Variants in SRPK2 observed in about 807,000 individuals in gnomAD.
SRPK2 encodes the protein SFRS protein kinase 2.
SRPK2 carries 21 observed loss-of-function variants against 90.8 expected under a neutral mutation model. The ratio of observed to expected loss-of-function variants is 0.23; its 90% CI spans 0.16 to 0.33. SRPK2 has a LOEUF of 0.33. Ranked by LOEUF, SRPK2 falls within the 10% of genes least tolerant of loss-of-function variation. The probability of loss-of-function intolerance (pLI) is 1.00; values close to 1 mark genes in which losing one functional copy is unlikely to be tolerated. For synonymous variants in SRPK2, 288 were observed against 311.1 expected, an observed-to-expected ratio of 0.93 and a Z score of 0.78; for missense variants, 620 against 869.0, an observed-to-expected ratio of 0.71 and a Z score of 3.60.
At chr7:105,310,343 A>G (rs1811571199) in intron 2 of SRPK2, among the ~76,000 whole-genome samples, 1 of 152,214 alleles carries the variant, frequency 6.6e-6, no homozygotes, top group Non-Finnish European at 1.5e-5. Flanking sequence ...CAGAATTGTA[A>G]TATTTTAGTA....
intron 2 of SRPK2, among the ~76,000 whole-genome samples, chr7:105,220,154 T>C (rs1797923516): frequency 6.6e-6 from 1 of 152,232 alleles, no homozygotes; most frequent in Non-Finnish European, 1.5e-5. Context: ...GGAAAAATAA[T>C]GCAGTTTAAA....
At chr7:105,118,111 GA>G in intron 15 of SRPK2, 89 bp from the exon 16 acceptor site, 1 of 1,344,420 alleles carries the variant, frequency 7.4e-7, no homozygotes, top group Non-Finnish European at 1.0e-6. Flanking sequence ...CAGTGAAGCG[GA>G]CAACCACCTG....
intron 9 of SRPK2, among the ~76,000 whole-genome samples, chr7:105,145,053 C>A (rs548335624): frequency 2.0e-5 from 3 of 150,408 alleles, no homozygotes; most frequent in Non-Finnish European, 4.4e-5. Flanking sequence ...TTGCAGTGAG[C>A]CGAGATCGCA....
chr7:105,283,877 TC>T (rs1438145902), intron 2 of SRPK2, among the ~76,000 whole-genome samples: 3 of 150,470 alleles, frequency 2.0e-5, no homozygotes, highest in African/African-American at 4.9e-5. Context: ...ACGCCTGTGG[TC>T]CCAGCTACTC....
chr7:105,230,437 T>C (rs76356408), intron 2 of SRPK2, among the ~76,000 whole-genome samples: 4,536 of 152,208 alleles, frequency 0.03, 240 homozygotes, highest in African/African-American at 0.1. Context: ...AAAAAGCAAG[T>C]AAGCAGTAGA....
At chr7:105,384,273 T>G (rs1189580897) in intron 2 of SRPK2, among the ~76,000 whole-genome samples, 3 of 152,242 alleles carry the variant, frequency 2.0e-5, no homozygotes, top group African/African-American at 7.2e-5. Context: ...CCTTCCGTTC[T>G]GCCTGTTACT....
intron 11 of SRPK2, among the ~76,000 whole-genome samples, chr7:105,140,866 C>T (rs1323074061): frequency 3.3e-5 from 5 of 151,664 alleles, no homozygotes; most frequent in Admixed American, 1.3e-4. Context: ...GAGGCTGGGG[C>T]GGGAGAATCG....
chr7:105,267,906 T>TA (rs1440585469), intron 2 of SRPK2, among the ~76,000 whole-genome samples: 1 of 152,126 alleles, frequency 6.6e-6, no homozygotes, highest in Non-Finnish European at 1.5e-5. Flanking sequence ...ACCTTAAGTA[T>TA]AAAATATCAA....
chr7:105,169,949 G>A (rs1790591981), intron 3 of SRPK2, among the ~76,000 whole-genome samples: 1 of 152,106 alleles, frequency 6.6e-6, no homozygotes, highest in Non-Finnish European at 1.5e-5. Flanking sequence ...CCAGGTAGCT[G>A]GAACTACAGG....
At chr7:105,276,986 T>A (rs1273672655) in intron 2 of SRPK2, among the ~76,000 whole-genome samples, 1 of 152,128 alleles carries the variant, frequency 6.6e-6, no homozygotes, top group African/African-American at 2.4e-5. Context: ...CACTACCAAT[T>A]AACTGCTTCT....
intron 2 of SRPK2, chr7:105,268,674 T>C: frequency 9.6e-7 from 1 of 1,043,292 alleles, no homozygotes; most frequent in Admixed American, 2.4e-5. Flanking sequence ...ATACACATCT[T>C]CAATACAGCA....
Position 105,117,694 on chromosome 7 carries a change from TCAAA to T in SRPK2, c.*140_*143del. On this transcript the variant is annotated 3_prime_UTR_variant, in exon 16 of 16. Transcript: ENST00000393651. Reference sequence around the variant, plus strand: ...ATCACAGTGCACAAAAAGCAAAATGTCAAACAACAGTACCTCAAAGCAAAATAAA... The same window carrying T: ...ATCACAGTGCACAAAAAGCAAAATGTCAACAGTACCTCAAAGCAAAATAAA... 2 of 880,548 alleles carry T rather than the reference TCAAA, an allele frequency of 2.3e-6. No individual in the cohort carries two copies. Among genetic ancestry groups the T allele is most frequent in the Non-Finnish European group, 3.4e-6 (2 of 583,196 alleles). 54.5% of individuals were successfully genotyped at this position (880,548 alleles called of 1,614,324 possible).
intron 2 of SRPK2, among the ~76,000 whole-genome samples, chr7:105,370,026 T>TGAAA: frequency 4.8e-5 from 1 of 20,746 alleles, no homozygotes; most frequent in Admixed American, 7.3e-4. Flanking sequence ...AGACTCCATC[T>TGAAA]CAAACAACAA....
intron 2 of SRPK2, among the ~76,000 whole-genome samples, chr7:105,230,871 G>C (rs1034272885): frequency 6.6e-6 from 1 of 152,038 alleles, no homozygotes; most frequent in South Asian, 2.1e-4. Context: ...AAAAATCATT[G>C]TTTATGACAG....
intron 2 of SRPK2, among the ~76,000 whole-genome samples, chr7:105,357,370 A>T (rs908580988): frequency 6.6e-6 from 1 of 152,200 alleles, no homozygotes; most frequent in Non-Finnish European, 1.5e-5. Flanking sequence ...AAACTGCTGG[A>T]GTCCTCCATT....
chr7:105,369,568 G>A (rs1182516383), intron 2 of SRPK2, among the ~76,000 whole-genome samples: 1 of 152,054 alleles, frequency 6.6e-6, no homozygotes, highest in African/African-American at 2.4e-5. Context: ...AGCTATACAC[G>A]ATGTATTTCA....
intron 2 of SRPK2, among the ~76,000 whole-genome samples, chr7:105,308,923 A>C (rs879444711): frequency 5.3e-5 from 8 of 152,010 alleles, no homozygotes; most frequent in African/African-American, 1.5e-4. Flanking sequence ...CCTACCCCTC[A>C]TACTTTCCTA....
chr7:105,149,751 T>C lies in SRPK2; in HGVS notation c.622-3093A>G, dbSNP rs79313080. 8.4e-3 allele frequency among the ~76,000 whole-genome samples: 1,282 copies of C among 152,312 alleles called. 19 individuals carry two copies. The highest frequency in any genetic ancestry group is 0.029 in the African/African-American group (1,218 of 41,562). On this transcript the variant is annotated intron_variant, in intron 7 of 15. Coordinates refer to ENST00000393651, the MANE Select transcript of SRPK2 (RefSeq NM_182692.3). ...CTATTAGTAGTTAGCCTACTGTTAG[T>C]AGAAGTTAAAGTAGCATTATGAAGT...
At chr7:105,234,905 G>C (rs1048137012) in intron 2 of SRPK2, among the ~76,000 whole-genome samples, 35 of 152,354 alleles carry the variant, frequency 2.3e-4, no homozygotes, top group Non-Finnish European at 1.5e-4. Flanking sequence ...AGAAAGAGGT[G>C]TTAGACCAAG....
Sources: gnomAD v4.1 joint callset for allele counts (sites outside exome capture counted in the v4.1 genomes callset) on GRCh38, gnomAD v4.1.1 for gene constraint, MANE v1.5 for transcripts, NCBI Gene and HGNC (gene_info 2026-07-23, HGNC 2026-07-21) for gene names.